Variants in ZNF423 observed in about 807,000 individuals in gnomAD.
ZNF423 encodes the protein zinc finger protein 423.
Under a neutral mutation model 95.8 loss-of-function variants are expected in ZNF423, and 12 were observed. The observed-to-expected ratio is 0.13, with a 90% CI of 0.08 to 0.20. The LOEUF is 0.20. Ranked by LOEUF, ZNF423 falls within the 10% of genes least tolerant of loss-of-function variation. ZNF423 has a pLI of 1.00. For synonymous variants in ZNF423, 749 were observed against 711.9 expected (o/e 1.05, Z -0.83); for missense variants, 1,316 against 1,737.1 (o/e 0.76, Z 4.31).
At chr16:49,849,270 GCTCCAGC>G (rs2035277026) in intron 1 of ZNF423, among the ~76,000 whole-genome samples, 3 of 152,018 alleles carry the variant, frequency 2.0e-5, no homozygotes, top group African/African-American at 7.3e-5. Context: ...GAACTCAATG[GCTCCAGC>G]CTCTGAGATA....
intron 5 of ZNF423, among the ~76,000 whole-genome samples, chr16:49,584,502 G>T (rs576971870): frequency 6.6e-6 from 1 of 152,146 alleles, no homozygotes; most frequent in South Asian, 2.1e-4. Context: ...GTACTCATAC[G>T]CTGGGGCTGC....
At chr16:49,546,044 T>C (rs1775922054) in intron 5 of ZNF423, among the ~76,000 whole-genome samples, 1 of 152,234 alleles carries the variant, frequency 6.6e-6, no homozygotes. Flanking sequence ...ACTTAATTTC[T>C]GTTATGTGCA....
At chr16:49,640,733 C>T (rs912069004) in intron 3 of ZNF423, 3 of 152,530 alleles carry the variant, frequency 2.0e-5, no homozygotes, top group African/African-American at 4.8e-5. Context: ...CGGCAGCCAA[C>T]CCACCTCTGA....
chr16:49,721,464 A>G (rs2032863025), intron 3 of ZNF423, among the ~76,000 whole-genome samples: 1 of 152,154 alleles, frequency 6.6e-6, no homozygotes. Context: ...GAACACATGT[A>G]CAACCAGCCT....
intron 5 of ZNF423, among the ~76,000 whole-genome samples, chr16:49,576,087 G>A (rs752289884): frequency 3.1e-4 from 47 of 152,260 alleles, no homozygotes; most frequent in African/African-American, 6.7e-4. Flanking sequence ...TGTTCATCCC[G>A]TTTCTCAAAC....
chr16:49,595,915 C>T (rs903707643), intron 5 of ZNF423, among the ~76,000 whole-genome samples: 3 of 152,120 alleles, frequency 2.0e-5, no homozygotes, highest in African/African-American at 2.4e-5. Flanking sequence ...TTTACATTAG[C>T]GCTCAACGTG....
intron 2 of ZNF423, among the ~76,000 whole-genome samples, chr16:49,743,916 C>T (rs2033467539): frequency 6.6e-6 from 1 of 152,188 alleles, no homozygotes; most frequent in African/African-American, 2.4e-5. Flanking sequence ...GGGAGCAGGA[C>T]TCGTGGAGTG....
chr16:49,605,261 C>G (rs1411053678), intron 5 of ZNF423, among the ~76,000 whole-genome samples: 1 of 152,168 alleles, frequency 6.6e-6, no homozygotes. Flanking sequence ...GATTTCCAGG[C>G]CTCCTCACAC....
At chr16:49,697,857 T>C (rs2032031112) in intron 3 of ZNF423, among the ~76,000 whole-genome samples, 1 of 152,240 alleles carries the variant, frequency 6.6e-6, no homozygotes, top group Non-Finnish European at 1.5e-5. Flanking sequence ...GAATCAGCCT[T>C]AACCAGCCCA....
intron 3 of ZNF423, among the ~76,000 whole-genome samples, chr16:49,711,071 A>T (rs1861346): frequency 1.3e-5 from 2 of 151,824 alleles, no homozygotes; most frequent in African/African-American, 4.8e-5. Context: ...GTGAGATGGG[A>T]TGGGATGGGA....
At chr16:49,763,266 T>G (rs2143654043) in intron 2 of ZNF423, among the ~76,000 whole-genome samples, 1 of 151,904 alleles carries the variant, frequency 6.6e-6, no homozygotes, top group East Asian at 1.9e-4. Flanking sequence ...GTTTTTTGGT[T>G]TTTGTTTTTG....
chr16:49,725,217 T>C (rs1309301822), intron 3 of ZNF423, among the ~76,000 whole-genome samples: 5 of 152,004 alleles, frequency 3.3e-5, no homozygotes, highest in Non-Finnish European at 7.4e-5. Context: ...ACCTCATCCA[T>C]ACAAGAAAAA....
intron 1 of ZNF423, among the ~76,000 whole-genome samples, chr16:49,818,735 A>C (rs2034893966): frequency 6.6e-6 from 1 of 151,886 alleles, no homozygotes; most frequent in Admixed American, 6.6e-5. Flanking sequence ...ATATAAAAAT[A>C]AATTAGCTGA....
chr16:49,649,638 TACACACAC>T (rs58838858), intron 3 of ZNF423, among the ~76,000 whole-genome samples: 37,232 of 140,094 alleles, frequency 0.27, 5,664 homozygotes, highest in African/African-American at 0.45. Flanking sequence ...TGCTTTGAAG[TACACACAC>T]ACACACACAC....
At chr16:49,681,576 C>T (rs1243303261) in intron 3 of ZNF423, among the ~76,000 whole-genome samples, 2 of 152,106 alleles carry the variant, frequency 1.3e-5, no homozygotes, top group Non-Finnish European at 2.9e-5. Context: ...TAAATGAGAC[C>T]TCAGGCCGGA....
intron 1 of ZNF423, among the ~76,000 whole-genome samples, chr16:49,800,757 T>C (rs890921191): frequency 1.3e-5 from 2 of 152,128 alleles, no homozygotes; most frequent in African/African-American, 4.8e-5. Context: ...ATCCTCACTT[T>C]TCTGGTGAGG....
intron 3 of ZNF423, among the ~76,000 whole-genome samples, chr16:49,674,361 C>T (rs1157815972): frequency 6.6e-6 from 1 of 152,152 alleles, no homozygotes; most frequent in Non-Finnish European, 1.5e-5. Flanking sequence ...GCAGTGTGTT[C>T]TCGGCTGGGG....
chr16:49,582,506 G>A (rs1386895540), intron 5 of ZNF423, among the ~76,000 whole-genome samples: 1 of 152,176 alleles, frequency 6.6e-6, no homozygotes, highest in Non-Finnish European at 1.5e-5. Flanking sequence ...GAACCAAATG[G>A]GTTGAAATAG....
In ZNF423 at chr16:49,853,796, T is replaced by G. The variant is rs548580727; in HGVS notation, c.40+1939A>C. The G allele has an allele frequency of 6.6e-5, 65 of 985,422 alleles. No individual in the cohort carries two copies. The African/African-American group carries it at 1.0e-3, about 15-fold the overall frequency. The allele number at this position is 985,422 out of a possible 1,614,324, so 61.0% of individuals were successfully genotyped here. A position where few individuals can be genotyped will look rare whatever the true frequency, so the allele number is the denominator to read the frequency against. On this transcript the variant is annotated intron_variant, in intron 1 of 7. Transcript: ENST00000563137. ...AGCAACTTTGAAACACCCACCCATCTGTTCACTGCAAACTGCTCTCCTTTT... is the reference window on the plus strand; with the variant it reads ...AGCAACTTTGAAACACCCACCCATCGGTTCACTGCAAACTGCTCTCCTTTT...
Sources: allele counts gnomAD v4.1 joint callset (sites outside exome capture counted in the v4.1 genomes callset), GRCh38; gene constraint gnomAD v4.1.1; transcripts MANE v1.5; gene names NCBI Gene and HGNC (gene_info 2026-07-23, HGNC 2026-07-21).